The following ARHGEF26 variants were observed in gnomAD, a reference collection of about 807,000 sequenced individuals.
ARHGEF26 encodes Rho guanine nucleotide exchange factor 26.
A neutral mutation model predicts 89.4 loss-of-function variants in ARHGEF26; 59 were observed. That is an observed-to-expected ratio of 0.66 (90% CI 0.54 to 0.82). The LOEUF (loss-of-function observed/expected upper bound fraction) is 0.82. Among genes scored for constraint, ARHGEF26 ranks in the 40% least tolerant of loss-of-function variants. The pLI, the probability that ARHGEF26 is intolerant of heterozygous loss-of-function variation, is 0.00. For missense variants in ARHGEF26, 1,234 were observed against 1,085.6 expected (o/e 1.14, Z -1.92); for synonymous variants, 500 against 428.4 (o/e 1.17, Z -2.06).
At chr3:154,246,316 G>C (rs953543570) in intron 12 of ARHGEF26, among the ~76,000 whole-genome samples, 1 of 152,132 alleles carries the variant, frequency 6.6e-6, no homozygotes, top group African/African-American at 2.4e-5. Flanking sequence ...CTTGAACATG[G>C]AGAATGTGGC....
At chr3:154,181,959 A>C (rs911972073) in intron 6 of ARHGEF26, among the ~76,000 whole-genome samples, 4 of 152,074 alleles carry the variant, frequency 2.6e-5, no homozygotes, top group Non-Finnish European at 4.4e-5. Context: ...TCATTTGTTT[A>C]TGTATTCACT....
intron 11 of ARHGEF26, among the ~76,000 whole-genome samples, chr3:154,231,820 AAGTG>A (rs1716841580): frequency 6.6e-6 from 1 of 152,236 alleles, no homozygotes; most frequent in South Asian, 2.1e-4. Flanking sequence ...GTCAGGCGGC[AAGTG>A]AGTGAGGAAA....
At chr3:154,194,622 G>A (rs1714169454) in intron 8 of ARHGEF26, 22 bp from the exon 9 acceptor site, 3 of 1,556,730 alleles carry the variant, frequency 1.9e-6, no homozygotes, top group East Asian at 4.6e-5. Flanking sequence ...AATAAATTTT[G>A]TTCACTTTTA....
At position 154,255,398 on chromosome 3, in the gene ARHGEF26, G is replaced by T; in HGVS notation, c.2541G>T (p.Glu847Asp). 6.2e-7 allele frequency: 1 copy of T among 1,613,764 alleles called. No homozygotes were observed. The highest frequency in any genetic ancestry group is 8.5e-7 in the Non-Finnish European group (1 of 1,179,862). The change falls in exon 15 of 15, where the codon GAG (glutamate) becomes GAT (aspartate). Residue 847 changes from glutamate to aspartate, a missense_variant. Coordinates refer to ENST00000465093, the MANE Select transcript of ARHGEF26 (RefSeq NM_015595.4). ...GGTTTCCTATGGAATGTGCCAAGGA[G>T]ATAACATGTCAAGCTACAATTGATA... Reference protein sequence around the residue: ...RGWFPMECAKEITCQATIDKN... With the variant: ...RGWFPMECAKDITCQATIDKN...
At chr3:154,136,429 A>G (rs1420380012) in intron 4 of ARHGEF26, among the ~76,000 whole-genome samples, 1 of 152,188 alleles carries the variant, frequency 6.6e-6, no homozygotes, top group Non-Finnish European at 1.5e-5. Context: ...CTTAAAGCAC[A>G]CATAGTGTAC....
At chr3:154,251,412 T>G (rs1442594946) in intron 12 of ARHGEF26, among the ~76,000 whole-genome samples, 4 of 152,146 alleles carry the variant, frequency 2.6e-5, no homozygotes, top group Non-Finnish European at 4.4e-5. Flanking sequence ...AGCAGATGAG[T>G]CAGTAAATGA....
At chr3:154,149,713 T>C (rs1176748702) in intron 5 of ARHGEF26, among the ~76,000 whole-genome samples, 4 of 152,046 alleles carry the variant, frequency 2.6e-5, no homozygotes, top group East Asian at 1.9e-4. Context: ...GAGAGAAATA[T>C]GATAAAAAAT....
At chr3:154,226,757 G>A (rs910165629) in intron 11 of ARHGEF26, among the ~76,000 whole-genome samples, 5 of 151,504 alleles carry the variant, frequency 3.3e-5, no homozygotes, top group African/African-American at 9.7e-5. Flanking sequence ...ACACATGTAA[G>A]GTCCTATGTA....
chr3:154,185,079 A>G (rs357466), intron 6 of ARHGEF26, among the ~76,000 whole-genome samples: 136,840 of 152,192 alleles, frequency 0.9, 61,663 homozygotes, highest in East Asian at 1. Context: ...TGTTTACCAC[A>G]AGAGTGGTCA....
intron 10 of ARHGEF26, 77 bp from the exon 11 acceptor site, chr3:154,225,779 C>G: frequency 6.9e-7 from 1 of 1,452,998 alleles, no homozygotes; most frequent in East Asian, 2.3e-5. Flanking sequence ...TTTGAATGTA[C>G]GTTTTAGCTT....
At chr3:154,161,099 TTTGTGTGTGTGTGTG>T (rs1413668336) in intron 6 of ARHGEF26, among the ~76,000 whole-genome samples, 4,034 of 147,308 alleles carry the variant, frequency 0.027, 153 homozygotes, top group African/African-American at 0.092. Context: ...GGTAGCCAGG[TTTGTGTGTGTGTGTG>T]TGTGTGTGTG....
chr3:154,255,935 CTTT>C lies in ARHGEF26; in HGVS notation c.*467_*469del. On this transcript the variant is annotated 3_prime_UTR_variant, in exon 15 of 15. Transcript: ENST00000465093. ...TAAATATTTCCCTGCCTTTTTTTTT[CTTT>C]TTTTACATCTGATTTTAATGCTTCG... 1.0e-6 allele frequency: 1 copy of C among 984,042 alleles called. No homozygotes were observed. Among genetic ancestry groups the C allele is most frequent in the Non-Finnish European group, 1.2e-6 (1 of 829,958 alleles). The allele number at this position is 984,042 out of a possible 1,614,324, so 61.0% of individuals were successfully genotyped here.
In ARHGEF26 at chr3:154,122,731, A is replaced by C; in HGVS notation, c.739A>C (p.Lys247Gln). 1.2e-6 allele frequency: 2 copies of C among 1,613,288 alleles called. No individual in the cohort carries two copies. The highest frequency in any genetic ancestry group is 2.2e-5 in the South Asian group (2 of 90,990). The change falls in exon 2 of 15, where the codon AAG becomes CAG. Residue 247 changes from lysine (K) to glutamine (Q), a missense_variant. Transcript: ENST00000465093. ...CAGCCCCGCCGCCCTCAAAGTGGGGAAGCAGCAGATCATTCCGAAGAGTCT... is the reference window on the plus strand; with the variant it reads ...CAGCCCCGCCGCCCTCAAAGTGGGGCAGCAGCAGATCATTCCGAAGAGTCT... ...TNSPAALKVG[K>Q]QQIIPKSLAS...
At chr3:154,232,677 T>G (rs543241754) in intron 11 of ARHGEF26, among the ~76,000 whole-genome samples, 37 of 152,276 alleles carry the variant, frequency 2.4e-4, no homozygotes, top group Non-Finnish European at 4.1e-4. Flanking sequence ...GTAAGTGCCT[T>G]ACACACAATG....
chr3:154,148,414 A>G (rs952866164), intron 4 of ARHGEF26, among the ~76,000 whole-genome samples: 4 of 152,186 alleles, frequency 2.6e-5, no homozygotes, highest in African/African-American at 9.6e-5. Context: ...ACCTTTGTCA[A>G]AACTACCTTC....
chr3:154,122,169 CCT>C lies in ARHGEF26; in HGVS notation c.179_180del (p.Leu60ArgfsTer19), dbSNP rs763995312. ...DFPVEDGGTL[L>X]AAQIPAQVPT... ...TCCCGGTGGAGGACGGAGGGACGCT[CCT>C]CGCAGCGCAGATTCCCGCCCAGGTG... is the stretch of plus-strand genomic sequence containing the variant. On this transcript the variant is annotated frameshift_variant, in exon 2 of 15. Transcript: ENST00000465093. LOFTEE classifies it high-confidence loss of function. 1.3e-6 allele frequency: 2 copies of C among 1,599,772 alleles called. No individual in the cohort carries two copies. Among genetic ancestry groups the C allele is most frequent in the South Asian group, 1.1e-5 (1 of 89,056 alleles).
At chr3:154,241,052 C>T (rs1717456153) in intron 12 of ARHGEF26, among the ~76,000 whole-genome samples, 1 of 152,122 alleles carries the variant, frequency 6.6e-6, no homozygotes. Context: ...CGGAAATATA[C>T]TGATAAATCC....
Position 154,257,316 on chromosome 3 carries a change from G to C in ARHGEF26, c.*1843G>C, listed in dbSNP as rs896153072. On this transcript the variant is annotated 3_prime_UTR_variant, in exon 15 of 15. Transcript: ENST00000465093. ...AGCAATGGTCCACAGTGAAAGATGT[G>C]TTGGGGTTTGCAAAACAAGCATTCC... is the stretch of plus-strand genomic sequence containing the variant. The C allele has an allele frequency of 6.1e-6, 1 of 164,316 alleles. No individual in the cohort carries two copies. Among genetic ancestry groups the C allele is most frequent in the African/African-American group, 2.4e-5 (1 of 42,006 alleles). The allele number at this position is 164,316 out of a possible 1,614,324, so 10.2% of individuals were successfully genotyped here. A position where few individuals can be genotyped will look rare whatever the true frequency, so the allele number is the denominator to read the frequency against.
intron 11 of ARHGEF26, among the ~76,000 whole-genome samples, chr3:154,232,908 A>G (rs1016210901): frequency 5.3e-5 from 8 of 151,496 alleles, no homozygotes; most frequent in Admixed American, 2.0e-4. Flanking sequence ...GCTCACTGCA[A>G]CCTCCAACTC....
Sources: gnomAD v4.1 joint callset for allele counts (sites outside exome capture counted in the v4.1 genomes callset) on GRCh38, gnomAD v4.1.1 for gene constraint, MANE v1.5 for transcripts, NCBI Gene and HGNC (gene_info 2026-07-23, HGNC 2026-07-21) for gene names.